NRG3: variants seen among roughly 807,000 people sequenced by gnomAD.
The protein encoded by NRG3 is pro-neuregulin-3, membrane-bound isoform.
NRG3 carries 31 observed loss-of-function variants against 66.9 expected under a neutral mutation model. The ratio of observed to expected loss-of-function variants is 0.46; its 90% CI spans 0.35 to 0.63. NRG3 has a LOEUF of 0.63. Among genes scored for constraint, NRG3 ranks in the 20% least tolerant of loss-of-function variants. The probability of loss-of-function intolerance (pLI) is 0.00; values close to 1 mark genes in which losing one functional copy is unlikely to be tolerated. For missense variants in NRG3, 910 were observed against 878.9 expected, an observed-to-expected ratio of 1.04 and a Z score of -0.45; for synonymous variants, 393 against 359.4, an observed-to-expected ratio of 1.09 and a Z score of -1.06.
chr10:82,606,846 A>C (rs1165364738), intron 2 of NRG3, among the ~76,000 whole-genome samples: 1 of 152,188 alleles, frequency 6.6e-6, no homozygotes, highest in East Asian at 1.9e-4. Context: ...AAGCAATCTG[A>C]AAACCCCCAC....
rs576631575 is a variant in NRG3 at position 82,754,031 on chromosome 10, T to C, written c.1027+15381T>C. ...AATTTTAGGAATGTAATTATTTCAG[T>C]ATTTTTTCCTTAAATCTTGAAATGA... On this transcript the variant is annotated intron_variant, in intron 3 of 8. Coordinates refer to ENST00000372141, the MANE Select transcript of NRG3 (RefSeq NM_001010848.4). Among the ~76,000 whole-genome samples the C allele has an allele frequency of 1.1e-3, 173 of 152,164 alleles. 1 individual carries two copies. Among genetic ancestry groups the C allele is most frequent in the Non-Finnish European group, 1.8e-3 (122 of 68,000 alleles).
chr10:82,466,065 G>A (rs1250251706), intron 2 of NRG3, among the ~76,000 whole-genome samples: 1 of 152,106 alleles, frequency 6.6e-6, no homozygotes, highest in African/African-American at 2.4e-5. Flanking sequence ...CTGCCCAGTG[G>A]TGCACTCCCT....
At chr10:81,986,979 C>A (rs1206253791) in intron 1 of NRG3, among the ~76,000 whole-genome samples, 1 of 152,130 alleles carries the variant, frequency 6.6e-6, no homozygotes, top group Non-Finnish European at 1.5e-5. Flanking sequence ...TATAAAATTT[C>A]TACTATTGCA....
At chr10:82,923,782 C>G (rs947101540) in intron 4 of NRG3, among the ~76,000 whole-genome samples, 3 of 151,890 alleles carry the variant, frequency 2.0e-5, no homozygotes, top group Non-Finnish European at 4.4e-5. Flanking sequence ...TCTCCTTTCC[C>G]CCCTCCTCCT....
intron 2 of NRG3, among the ~76,000 whole-genome samples, chr10:82,508,832 C>T (rs953446953): frequency 1.3e-5 from 2 of 152,204 alleles, no homozygotes; most frequent in African/African-American, 4.8e-5. Flanking sequence ...GTCCTTCTCT[C>T]ATGACCATTC....
chr10:82,019,397 G>T (rs115236317), intron 1 of NRG3, among the ~76,000 whole-genome samples: 1 of 151,934 alleles, frequency 6.6e-6, no homozygotes, highest in African/African-American at 2.4e-5. Flanking sequence ...CTAAAATTCT[G>T]TTTTGTTTGT....
chr10:82,106,100 T>C (rs2067044312), intron 1 of NRG3, among the ~76,000 whole-genome samples: 1 of 152,178 alleles, frequency 6.6e-6, no homozygotes, highest in Admixed American at 6.5e-5. Flanking sequence ...ACCTGCTGAG[T>C]CCAAGGCTGA....
chr10:82,809,941 G>GT (rs71009824), intron 3 of NRG3, among the ~76,000 whole-genome samples: 174 of 146,124 alleles, frequency 1.2e-3, no homozygotes, highest in Admixed American at 2.0e-3. Context: ...TTCTACACAG[G>GT]TTTTTTTTTT....
chr10:82,644,014 T>C (rs1233092932), intron 2 of NRG3, among the ~76,000 whole-genome samples: 2 of 152,118 alleles, frequency 1.3e-5, no homozygotes, highest in Non-Finnish European at 2.9e-5. Context: ...TAGGGGTTAA[T>C]TGAGTTATAG....
intron 1 of NRG3, among the ~76,000 whole-genome samples, chr10:82,036,013 A>G (rs1194542278): frequency 2.6e-5 from 4 of 152,100 alleles, no homozygotes; most frequent in Non-Finnish European, 5.9e-5. Flanking sequence ...TCACATGTGT[A>G]AATAGCAACT....
chr10:82,550,528 T>C (rs535161071), intron 2 of NRG3, among the ~76,000 whole-genome samples: 178 of 152,278 alleles, frequency 1.2e-3, no homozygotes, highest in African/African-American at 4.0e-3. Context: ...GGTTATGACA[T>C]AGGGTTGTCA....
At position 82,897,830 on chromosome 10, in the gene NRG3, T is replaced by C. The variant is rs548356830; in HGVS notation, c.1054+32393T>C. 3.9e-5 allele frequency among the ~76,000 whole-genome samples: 6 copies of C among 152,320 alleles called. No homozygotes were observed. The South Asian group carries it at 1.0e-3, about 26-fold the overall frequency. On this transcript the variant is annotated intron_variant, in intron 4 of 8. Coordinates refer to ENST00000372141, the MANE Select transcript of NRG3 (RefSeq NM_001010848.4). Reference sequence around the variant, plus strand: ...CCACTGCGCCCTGCTAGAACTAGCATGTCTTAATGTGTTAGGTAATAATAG... The same window carrying C: ...CCACTGCGCCCTGCTAGAACTAGCACGTCTTAATGTGTTAGGTAATAATAG...
At chr10:82,148,220 C>T (rs1053463784) in intron 1 of NRG3, among the ~76,000 whole-genome samples, 2 of 151,402 alleles carry the variant, frequency 1.3e-5, no homozygotes, top group African/African-American at 4.9e-5. Context: ...TCACTGATTG[C>T]GGGGGGGTGG....
intron 4 of NRG3, among the ~76,000 whole-genome samples, chr10:82,876,133 A>G (rs1025125479): frequency 1.3e-5 from 2 of 152,220 alleles, no homozygotes; most frequent in East Asian, 3.8e-4. Flanking sequence ...GAAAGTATTG[A>G]ACTATTGGCA....
intron 1 of NRG3, among the ~76,000 whole-genome samples, chr10:82,219,403 T>G (rs2075837096): frequency 6.6e-6 from 1 of 151,618 alleles, no homozygotes; most frequent in African/African-American, 2.4e-5. Flanking sequence ...ACTGTAAAAA[T>G]TATCAAACTA....
intron 2 of NRG3, among the ~76,000 whole-genome samples, chr10:82,407,090 A>ATT (rs35409376): frequency 6.6e-5 from 6 of 90,830 alleles, no homozygotes; most frequent in African/African-American, 1.2e-4. Context: ...TTTTTATTTT[A>ATT]TTTTTTTTCC....
chr10:82,273,626 T>A (rs925724139), intron 1 of NRG3, among the ~76,000 whole-genome samples: 2 of 152,010 alleles, frequency 1.3e-5, no homozygotes, highest in African/African-American at 4.8e-5. Flanking sequence ...ATATCCATTT[T>A]AAAAAATTTT....
At chr10:82,195,675 A>G (rs1447727503) in intron 1 of NRG3, among the ~76,000 whole-genome samples, 3 of 152,166 alleles carry the variant, frequency 2.0e-5, no homozygotes, top group African/African-American at 7.2e-5. Flanking sequence ...GCAAGAGGGA[A>G]TTAAGTTTGT....
rs571009239 is a variant in NRG3, at chr10:82,238,912, G to GTATA, written c.824-119814_824-119811dup. Among the ~76,000 whole-genome samples, 746 of 120,750 alleles carry GTATA rather than the reference G, an allele frequency of 6.2e-3. 25 individuals carry two copies. The highest frequency in any genetic ancestry group is 0.022 in the African/African-American group (711 of 32,490). The allele number at this position is 120,750 out of a possible 152,430, so 79.2% of individuals were successfully genotyped here. On this transcript the variant is annotated intron_variant, in intron 1 of 8. Coordinates refer to ENST00000372141, the MANE Select transcript of NRG3 (RefSeq NM_001010848.4). ...TAGTGCATTATTTTTAGGTTATACC[G>GTATA]TATATATATATATATAATATTTATA...
Sources: allele counts gnomAD v4.1 joint callset (sites outside exome capture counted in the v4.1 genomes callset), GRCh38; gene constraint gnomAD v4.1.1; transcripts MANE v1.5; gene names NCBI Gene and HGNC (gene_info 2026-07-23, HGNC 2026-07-21).